Variants in PIGX observed in about 807,000 individuals in gnomAD.
The protein encoded by PIGX is GPI alpha-1,4-mannosyltransferase I, stabilizing subunit.
In PIGX, 24 loss-of-function variants were observed where a neutral mutation model predicts 28.7. The ratio of observed to expected loss-of-function variants is 0.84; its 90% CI spans 0.60 to 1.17. The LOEUF (loss-of-function observed/expected upper bound fraction) is 1.17. PIGX is among the 50% of genes most tolerant of loss of function. The pLI is 0.00. For synonymous variants in PIGX, 127 were observed against 121.0 expected (o/e 1.05, Z -0.33); for missense variants, 305 against 317.8 (o/e 0.96, Z 0.31).
Position 196,733,382 on chromosome 3 carries a change from T to C in PIGX, c.634-377T>C, listed in dbSNP as rs1412141554. 6.6e-6 allele frequency among the ~76,000 whole-genome samples: 1 copy of C among 152,128 alleles called. No individual in the cohort carries two copies. Among genetic ancestry groups the C allele is most frequent in the Admixed American group, 6.6e-5 (1 of 15,266 alleles). ...TCAAAGAAATAGTGGTCTCACCTTA[T>C]GACATTTATTTTATTTTACTATTTT... On this transcript the variant is annotated intron_variant, in intron 5 of 5. Coordinates refer to ENST00000392391, the MANE Select transcript of PIGX (RefSeq NM_017861.4). The surrounding 1 kb of genome is among the most constrained non-coding windows in gnomAD (Gnocchi z 4.3).
intron 4 of PIGX, 28 bp downstream of exon 4, chr3:196,728,164 T>C (rs775192345): frequency 6.3e-7 from 1 of 1,575,482 alleles, no homozygotes; most frequent in South Asian, 1.1e-5. Flanking sequence ...TTTCTAAGGG[T>C]TGAAACATCA....
rs1216435994 is a variant in PIGX, at chr3:196,732,271, ATT to A, written c.633+1189_633+1190del. ...ATATATATATATTTTATTTTATTTT[ATT>A]TTTTTTTTTATTTTATTTTTTTTTT... On this transcript the variant is annotated intron_variant, in intron 5 of 5. Coordinates refer to ENST00000392391, the MANE Select transcript of PIGX (RefSeq NM_017861.4). Among the ~76,000 whole-genome samples, 163 of 24,404 alleles carry A rather than the reference ATT, an allele frequency of 6.7e-3. 4 individuals are homozygous for A. The highest frequency in any genetic ancestry group is 9.7e-3 in the South Asian group (6 of 616). The allele number at this position is 24,404 out of a possible 152,430, so 16.0% of individuals were successfully genotyped here. A position where few individuals can be genotyped will look rare whatever the true frequency, so the allele number is the denominator to read the frequency against.
chr3:196,715,191 T>C (rs1427208002), intron 1 of PIGX, among the ~76,000 whole-genome samples: 1 of 152,234 alleles, frequency 6.6e-6, no homozygotes, highest in East Asian at 1.9e-4. Flanking sequence ...CATATGCTTC[T>C]CCAAAGCAAA....
intron 3 of PIGX, among the ~76,000 whole-genome samples, chr3:196,723,933 C>T (rs1381273150): frequency 6.6e-6 from 1 of 151,594 alleles, no homozygotes; most frequent in East Asian, 1.9e-4. Context: ...AACCACTAAT[C>T]AGCAAGTGTG....
chr3:196,723,499 A>G (rs1712404043), intron 3 of PIGX, among the ~76,000 whole-genome samples: 1 of 152,130 alleles, frequency 6.6e-6, no homozygotes, highest in African/African-American at 2.4e-5. Context: ...AGTTTCCCCA[A>G]CTTTGGTAAG....
chr3:196,728,099 G>A lies in PIGX; in HGVS notation c.495G>A (p.Val165=). 2 of 1,614,084 alleles carry A rather than the reference G, an allele frequency of 1.2e-6. No homozygotes were observed. Among genetic ancestry groups the A allele is most frequent in the Non-Finnish European group, 1.7e-6 (2 of 1,179,992 alleles). Residue 165 remains valine (V), a synonymous_variant, in exon 4 of 6, where the codon GTG becomes GTA. Coordinates refer to ENST00000392391, the MANE Select transcript of PIGX (RefSeq NM_017861.4). ...GTGAAGATGGAGAAGCCTCGATTGT[G>A]GTCAATAACCCAGATTTGTTGATGT...
In PIGX at chr3:196,716,931, CTGT is replaced by C; in HGVS notation, c.176+13_176+15del. 6.7e-7 allele frequency: 1 copy of C among 1,497,080 alleles called. No individual in the cohort carries two copies. The highest frequency in any genetic ancestry group is 9.3e-7 in the Non-Finnish European group (1 of 1,076,530). The allele number at this position is 1,497,080 out of a possible 1,614,324, so 92.7% of individuals were successfully genotyped here. ...AAGATGGTTTCCACAGGTAAGTTGCCTGTTGATTTCTATTTCTATTAAAATAAT... is the reference window on the plus strand; with the variant it reads ...AAGATGGTTTCCACAGGTAAGTTGCCTGATTTCTATTTCTATTAAAATAAT... On this transcript the variant is annotated intron_variant, in intron 2 of 5. Transcript: ENST00000392391.
At chr3:196,726,431 A>C (rs1255279633) in intron 3 of PIGX, among the ~76,000 whole-genome samples, 2 of 152,172 alleles carry the variant, frequency 1.3e-5, no homozygotes, top group African/African-American at 4.8e-5. Flanking sequence ...GTGCCACTGC[A>C]CTCCAGCCTG....
intron 4 of PIGX, among the ~76,000 whole-genome samples, chr3:196,728,931 T>G: frequency 6.6e-6 from 1 of 152,226 alleles, no homozygotes; most frequent in Non-Finnish European, 1.5e-5. Flanking sequence ...TTTTGATGTT[T>G]GGGAAGATAT....
At chr3:196,732,045 C>CA (rs1222737286) in intron 5 of PIGX, among the ~76,000 whole-genome samples, 4 of 149,980 alleles carry the variant, frequency 2.7e-5, no homozygotes, top group Non-Finnish European at 4.4e-5. Context: ...AGGCTGGTCT[C>CA]AAACTCCTGA....
chr3:196,732,322 C>T (rs1482759569), intron 5 of PIGX, among the ~76,000 whole-genome samples: 1 of 130,944 alleles, frequency 7.6e-6, no homozygotes, highest in African/African-American at 2.9e-5. Flanking sequence ...CGCTCTGTTG[C>T]CCAGGCTGGA....
intron 3 of PIGX, among the ~76,000 whole-genome samples, chr3:196,723,787 T>C (rs907535710): frequency 6.6e-6 from 1 of 152,136 alleles, no homozygotes; most frequent in Admixed American, 6.5e-5. Flanking sequence ...GATGGCAGTT[T>C]ATTTCTAATC....
chr3:196,724,258 G>T (rs1294872047), intron 3 of PIGX, among the ~76,000 whole-genome samples: 2 of 152,010 alleles, frequency 1.3e-5, no homozygotes, highest in African/African-American at 4.8e-5. Context: ...CAGGTTATCT[G>T]CCCACCTTGG....
intron 1 of PIGX, among the ~76,000 whole-genome samples, chr3:196,714,544 C>A (rs546986404): frequency 6.6e-6 from 1 of 151,538 alleles, no homozygotes; most frequent in Non-Finnish European, 1.5e-5. Context: ...TTATTGCAAC[C>A]TTCACCTCCC....
Position 196,731,050 on chromosome 3 carries a change from G to T in PIGX, c.591G>T (p.Glu197Asp), listed in dbSNP as rs17852091. ...AAGTGGCAGCCCCTTGTGCTTTGGA[G>T]AATGAGGATATCTGCCAATGGAACA... The change falls in exon 5 of 6, where the codon GAG becomes GAT. Residue 197 changes from glutamate to aspartate, a missense_variant. Transcript: ENST00000392391. 1 of 1,610,564 alleles carries T rather than the reference G, an allele frequency of 6.2e-7. No individual in the cohort carries two copies. The highest frequency in any genetic ancestry group is 1.7e-5 in the Admixed American group (1 of 59,998).
chr3:196,725,558 C>G (rs1021687388), intron 3 of PIGX, among the ~76,000 whole-genome samples: 1 of 152,086 alleles, frequency 6.6e-6, no homozygotes, highest in African/African-American at 2.4e-5. Context: ...ATTCACGGGA[C>G]AGTGTACCAG....
Position 196,733,776 on chromosome 3 carries a change from T to G in PIGX, c.651T>G (p.Ile217Met), listed in dbSNP as rs777726838. The G allele has an allele frequency of 6.3e-6, 10 of 1,595,058 alleles. No individual in the cohort carries two copies. The South Asian group carries it at 1.1e-4, about 18-fold the overall frequency. The change falls in exon 6 of 6, where the codon ATT (isoleucine) becomes ATG (methionine). Residue 217 changes from isoleucine to methionine, a missense_variant. Ile to Met is a conservative substitution (Grantham distance 10, BLOSUM62 1). Coordinates refer to ENST00000392391, the MANE Select transcript of PIGX (RefSeq NM_017861.4). The surrounding 1 kb of genome is among the most constrained non-coding windows in gnomAD (Gnocchi z 4.3). ...CTCCATAGGTATATAAGAATGTGAT[T>G]CTACAAGTTCCAGTGGGACTGACTG...
At chr3:196,732,274 T>TA (rs1712833234) in intron 5 of PIGX, among the ~76,000 whole-genome samples, 2 of 72,682 alleles carry the variant, frequency 2.8e-5, no homozygotes, top group African/African-American at 1.2e-4. Context: ...TTATTTTATT[T>TA]TTTTTTTTAT....
intron 3 of PIGX, among the ~76,000 whole-genome samples, chr3:196,723,026 G>T (rs1712384309): frequency 6.6e-6 from 1 of 152,184 alleles, no homozygotes. Flanking sequence ...AACCCTGGAG[G>T]TGGAATCTCC....
Sources: gnomAD v4.1 joint callset for allele counts (sites outside exome capture counted in the v4.1 genomes callset) on GRCh38, gnomAD v4.1.1 for gene constraint, Gnocchi (gnomAD v3.1) non-coding constraint, MANE v1.5 for transcripts, NCBI Gene and HGNC (gene_info 2026-07-23, HGNC 2026-07-21) for gene names.